The following CHN2 variants were observed in gnomAD, a reference collection of about 807,000 sequenced individuals.
CHN2 encodes chimerin 2, also known as beta-chimaerin.
Under a neutral mutation model 56.3 loss-of-function variants are expected in CHN2, and 35 were observed. The ratio of observed to expected loss-of-function variants is 0.62; its 90% CI spans 0.47 to 0.82. CHN2 has a LOEUF of 0.82. Among genes scored for constraint, CHN2 ranks in the 40% least tolerant of loss-of-function variants. The pLI is 0.00. For missense variants in CHN2, 491 were observed against 580.5 expected, an observed-to-expected ratio of 0.85 and a Z score of 1.58; for synonymous variants, 210 against 212.8, an observed-to-expected ratio of 0.99 and a Z score of 0.12.
intron 3 of CHN2, among the ~76,000 whole-genome samples, chr7:29,388,616 C>T (rs1256244085): frequency 2.0e-5 from 3 of 152,138 alleles, no homozygotes; most frequent in Non-Finnish European, 4.4e-5. Context: ...GGCCTCAAAC[C>T]TAGGCAGTTT....
At chr7:29,366,162 A>T (rs1247261145) in intron 2 of CHN2, among the ~76,000 whole-genome samples, 4 of 152,204 alleles carry the variant, frequency 2.6e-5, no homozygotes, top group African/African-American at 9.6e-5. Flanking sequence ...GAAAATCAGG[A>T]GGAATCTGTA....
At chr7:29,433,593 T>G (rs1204264453) in intron 6 of CHN2, among the ~76,000 whole-genome samples, 1 of 151,950 alleles carries the variant, frequency 6.6e-6, no homozygotes, top group African/African-American at 2.4e-5. Context: ...TCCTGGCACT[T>G]TGGGAGGCCA....
At chr7:29,228,926 T>C (rs1786446998) in intron 1 of CHN2, among the ~76,000 whole-genome samples, 1 of 152,194 alleles carries the variant, frequency 6.6e-6, no homozygotes. Flanking sequence ...CATTCTTCCT[T>C]TTGCTCCCGC....
intron 1 of CHN2, among the ~76,000 whole-genome samples, chr7:29,246,383 A>G (rs533376856): frequency 2.2e-4 from 33 of 152,318 alleles, no homozygotes; most frequent in Non-Finnish European, 4.1e-4. Flanking sequence ...TTGCTAAACC[A>G]GAATAGTCTT....
chr7:29,334,859 G>A (rs1466881015), intron 1 of CHN2, among the ~76,000 whole-genome samples: 3 of 152,200 alleles, frequency 2.0e-5, no homozygotes, highest in Non-Finnish European at 2.9e-5. Flanking sequence ...GGAGTGGGAA[G>A]GTCAAATGCA....
chr7:29,417,001 G>A (rs1803818649), intron 6 of CHN2, among the ~76,000 whole-genome samples: 1 of 152,196 alleles, frequency 6.6e-6, no homozygotes, highest in African/African-American at 2.4e-5. Context: ...CTGTGTGGCT[G>A]AGCCCTCCTA....
chr7:29,217,229 G>A (rs753963526), intron 1 of CHN2, among the ~76,000 whole-genome samples: 2 of 152,198 alleles, frequency 1.3e-5, no homozygotes, highest in Admixed American at 6.5e-5. Flanking sequence ...GCTGTGCCTT[G>A]CAATGAGTAA....
chr7:29,371,021 G>A (rs1456638504), intron 3 of CHN2, among the ~76,000 whole-genome samples: 4 of 152,184 alleles, frequency 2.6e-5, no homozygotes, highest in African/African-American at 9.7e-5. Flanking sequence ...CTACAGATAA[G>A]CATCTACTTT....
At chr7:29,330,659 A>G (rs1046468248) in intron 1 of CHN2, among the ~76,000 whole-genome samples, 1 of 152,218 alleles carries the variant, frequency 6.6e-6, no homozygotes. Context: ...GAAATCCCAT[A>G]ATTGCAGCTG....
chr7:29,377,512 C>T (rs1055607613), intron 3 of CHN2, among the ~76,000 whole-genome samples: 1 of 152,202 alleles, frequency 6.6e-6, no homozygotes, highest in Admixed American at 6.5e-5. Context: ...TATCGTATGT[C>T]AGAAATGCTT....
intron 8 of CHN2, among the ~76,000 whole-genome samples, chr7:29,498,745 T>C (rs1038065170): frequency 6.1e-5 from 9 of 147,758 alleles, no homozygotes; most frequent in Non-Finnish European, 8.9e-5. Context: ...TAGCAGAATG[T>C]AGACTATGCT....
intron 6 of CHN2, among the ~76,000 whole-genome samples, chr7:29,427,812 A>G (rs1207153258): frequency 7.9e-5 from 12 of 151,828 alleles, no homozygotes; most frequent in Non-Finnish European, 1.8e-4. Flanking sequence ...ATGCACCACC[A>G]TGCCCAGATA....
intron 1 of CHN2, chr7:29,200,546 T>A (rs1280458469): frequency 1.3e-5 from 2 of 149,454 alleles, no homozygotes; most frequent in East Asian, 2.0e-4. Context: ...GATGTTTTCA[T>A]CAATCCCACA....
At chr7:29,411,205 C>T (rs776126729) in intron 6 of CHN2, among the ~76,000 whole-genome samples, 5 of 152,254 alleles carry the variant, frequency 3.3e-5, no homozygotes, top group South Asian at 2.1e-4. Flanking sequence ...GAGGAGCCAC[C>T]GACTGGGTCT....
intron 1 of CHN2, among the ~76,000 whole-genome samples, chr7:29,299,664 CTAACT>C (rs1793486265): frequency 6.6e-6 from 1 of 152,116 alleles, no homozygotes; most frequent in Non-Finnish European, 1.5e-5. Flanking sequence ...ACTCAAAACT[CTAACT>C]TATAAGAGTA....
At chr7:29,511,516 A>C (rs539339705) in intron 12 of CHN2, among the ~76,000 whole-genome samples, 36 of 152,184 alleles carry the variant, frequency 2.4e-4, no homozygotes, top group Non-Finnish European at 4.7e-4. Context: ...TTAGTCAGGC[A>C]TAGTGCCTGA....
intron 1 of CHN2, chr7:29,200,816 G>T (rs62444115): frequency 0.1 from 15,682 of 151,998 alleles, 1,043 homozygotes; most frequent in East Asian, 0.27. Context: ...GAGATGGGCC[G>T]GCCCTATAGG....
At chr7:29,307,473 T>G (rs1794260065) in intron 1 of CHN2, among the ~76,000 whole-genome samples, 1 of 152,228 alleles carries the variant, frequency 6.6e-6, no homozygotes, top group Admixed American at 6.5e-5. Context: ...CTGGACCCTG[T>G]GAATATGTTG....
chr7:29,195,639 T>A (rs868462325), intron 1 of CHN2, among the ~76,000 whole-genome samples: 13,364 of 114,132 alleles, frequency 0.12, 701 homozygotes, highest in East Asian at 0.23. Flanking sequence ...AGTGTGTGTG[T>A]GTGTGTGTGT....
Sources: allele counts gnomAD v4.1 joint callset (sites outside exome capture counted in the v4.1 genomes callset), GRCh38; gene constraint gnomAD v4.1.1; transcripts MANE v1.5; gene names NCBI Gene and HGNC (gene_info 2026-07-23, HGNC 2026-07-21).